The following IGF2BP2 variants were observed in gnomAD, a reference collection of about 807,000 sequenced individuals.
The protein encoded by IGF2BP2 is insulin like growth factor 2 mRNA binding protein 2, also known as insulin-like growth factor 2 mRNA-binding protein 2.
In IGF2BP2, 17 loss-of-function variants were observed where a neutral mutation model predicts 75.8. The observed-to-expected ratio is 0.22, with a 90% CI of 0.15 to 0.34. The LOEUF is 0.34. Ranked by LOEUF, IGF2BP2 falls within the 10% of genes least tolerant of loss-of-function variation. IGF2BP2 has a pLI of 1.00. For missense variants in IGF2BP2, 516 were observed against 772.4 expected (o/e 0.67, Z 3.93); for synonymous variants, 288 against 295.6 (o/e 0.97, Z 0.26).
chr3:185,818,464 C>G (rs907796161), intron 2 of IGF2BP2, among the ~76,000 whole-genome samples: 11 of 152,148 alleles, frequency 7.2e-5, no homozygotes, highest in Admixed American at 5.2e-4. Context: ...TTTCAATCAC[C>G]AAGCAACTTT....
chr3:185,767,142 G>C (rs1032265216), intron 2 of IGF2BP2, among the ~76,000 whole-genome samples: 1 of 152,202 alleles, frequency 6.6e-6, no homozygotes, highest in Admixed American at 6.5e-5. Context: ...TGGTGGCATA[G>C]GCAACAGCTC....
intron 2 of IGF2BP2, among the ~76,000 whole-genome samples, chr3:185,821,823 A>G (rs1294225397): frequency 2.6e-5 from 4 of 152,198 alleles, no homozygotes; most frequent in Non-Finnish European, 5.9e-5. Context: ...AATAGTTAAT[A>G]TATCAGAAAG....
intron 2 of IGF2BP2, among the ~76,000 whole-genome samples, chr3:185,756,760 T>C (rs79283439): frequency 0.023 from 3,528 of 152,094 alleles, 68 homozygotes; most frequent in Middle Eastern, 0.054. Flanking sequence ...ATTGCTTGAG[T>C]CCAGGAGTTT....
At chr3:185,782,824 T>G (rs745421609) in intron 2 of IGF2BP2, among the ~76,000 whole-genome samples, 1 of 152,122 alleles carries the variant, frequency 6.6e-6, no homozygotes, top group Non-Finnish European at 1.5e-5. Flanking sequence ...GGGTGGGGAC[T>G]GGGAGGTGGA....
At chr3:185,727,460 T>C (rs1357058354) in intron 2 of IGF2BP2, among the ~76,000 whole-genome samples, 1 of 152,004 alleles carries the variant, frequency 6.6e-6, no homozygotes, top group Non-Finnish European at 1.5e-5. Flanking sequence ...AGAACAGTAA[T>C]TGGATTACTC....
At chr3:185,761,474 C>T (rs1345939697) in intron 2 of IGF2BP2, among the ~76,000 whole-genome samples, 1 of 152,196 alleles carries the variant, frequency 6.6e-6, no homozygotes, top group Non-Finnish European at 1.5e-5. Flanking sequence ...ACAAGAACTA[C>T]GGCTTCACTG....
At chr3:185,780,859 G>A (rs1251125313) in intron 2 of IGF2BP2, among the ~76,000 whole-genome samples, 1 of 152,128 alleles carries the variant, frequency 6.6e-6, no homozygotes, top group African/African-American at 2.4e-5. Context: ...TATGTCTACG[G>A]ACTATCTAAC....
intron 2 of IGF2BP2, among the ~76,000 whole-genome samples, chr3:185,763,661 A>G (rs1283486935): frequency 6.6e-6 from 1 of 152,360 alleles, no homozygotes; most frequent in East Asian, 1.9e-4. Flanking sequence ...GAAATAAATA[A>G]CACCACCATA....
chr3:185,736,623 A>C (rs1197521067), intron 2 of IGF2BP2, among the ~76,000 whole-genome samples: 1 of 152,260 alleles, frequency 6.6e-6, no homozygotes, highest in African/African-American at 2.4e-5. Context: ...TTAAACAATA[A>C]GAGAACATCT....
At chr3:185,768,168 T>C (rs1416354333) in intron 2 of IGF2BP2, among the ~76,000 whole-genome samples, 2 of 152,234 alleles carry the variant, frequency 1.3e-5, no homozygotes, top group Non-Finnish European at 2.9e-5. Context: ...ATTTTCTTAG[T>C]GGCATCATGA....
chr3:185,789,177 C>T (rs1736290418), intron 2 of IGF2BP2, among the ~76,000 whole-genome samples: 1 of 152,138 alleles, frequency 6.6e-6, no homozygotes, highest in Non-Finnish European at 1.5e-5. Context: ...TTCAATGAAT[C>T]AAGGAAAGAA....
chr3:185,712,005 T>C (rs994410362), intron 2 of IGF2BP2, among the ~76,000 whole-genome samples: 6 of 152,198 alleles, frequency 3.9e-5, no homozygotes, highest in African/African-American at 1.4e-4. Context: ...AGTTGGTGCC[T>C]GGTTTTCCCA....
intron 6 of IGF2BP2, 147 bp from the exon 7 acceptor site, chr3:185,687,338 C>A: frequency 1.3e-6 from 1 of 771,606 alleles, no homozygotes; most frequent in Non-Finnish European, 2.0e-6. Context: ...TGCCATTCTC[C>A]AAGAAGGAGG....
At chr3:185,661,403 G>A (rs1202822595) in intron 10 of IGF2BP2, among the ~76,000 whole-genome samples, 1 of 152,116 alleles carries the variant, frequency 6.6e-6, no homozygotes, top group Non-Finnish European at 1.5e-5. Context: ...TTGGGAGGCT[G>A]AGGCAGGCGG....
chr3:185,724,620 T>C (rs1410969758), intron 2 of IGF2BP2: 1 of 152,228 alleles, frequency 6.6e-6, no homozygotes, highest in Non-Finnish European at 1.5e-5. Flanking sequence ...AATGCAGAAG[T>C]TGCTTTCAAC....
Position 185,742,080 on chromosome 3 carries a change from G to A in IGF2BP2, c.240-43733C>T, listed in dbSNP as rs562581459. On this transcript the variant is annotated intron_variant, in intron 2 of 15. Coordinates refer to ENST00000382199, the MANE Select transcript of IGF2BP2 (RefSeq NM_006548.6). ...TAGTAAGCTGAAGGTGGAGAATATTGGTAAAATGTGCATATATTAAGAAGT... is the reference window on the plus strand; with the variant it reads ...TAGTAAGCTGAAGGTGGAGAATATTAGTAAAATGTGCATATATTAAGAAGT... Among the ~76,000 whole-genome samples the A allele has an allele frequency of 7.2e-5, 11 of 151,810 alleles. No individual in the cohort carries two copies. In the East Asian group the frequency reaches 2.1e-3, roughly 29 times the overall value.
chr3:185,786,233 T>A (rs1473471209), intron 2 of IGF2BP2, among the ~76,000 whole-genome samples: 1 of 151,998 alleles, frequency 6.6e-6, no homozygotes, highest in Non-Finnish European at 1.5e-5. Flanking sequence ...CCCCCAAGAA[T>A]CAATGTTCAC....
At chr3:185,706,271 A>C (rs1278019994) in intron 2 of IGF2BP2, among the ~76,000 whole-genome samples, 1 of 152,180 alleles carries the variant, frequency 6.6e-6, no homozygotes, top group Admixed American at 6.5e-5. Context: ...GTGTGGTAGC[A>C]CATGCCTGTA....
intron 2 of IGF2BP2, among the ~76,000 whole-genome samples, chr3:185,795,726 C>T (rs1266618595): frequency 1.3e-5 from 2 of 151,900 alleles, no homozygotes; most frequent in African/African-American, 4.8e-5. Context: ...ACTAAAAATA[C>T]AAAAATTAGC....
Sources: gnomAD v4.1 joint callset for allele counts (sites outside exome capture counted in the v4.1 genomes callset) on GRCh38, gnomAD v4.1.1 for gene constraint, MANE v1.5 for transcripts, NCBI Gene and HGNC (gene_info 2026-07-23, HGNC 2026-07-21) for gene names.